The following DNAH14 variants were observed in gnomAD, a reference collection of about 807,000 sequenced individuals.
The protein encoded by DNAH14 is axonemal beta dynein heavy chain 14.
A neutral mutation model predicts 520.9 loss-of-function variants in DNAH14; 478 were observed. The observed-to-expected ratio is 0.92, with a 90% CI of 0.85 to 0.99. DNAH14 has a LOEUF of 0.99. Among genes scored for constraint, DNAH14 ranks in the 50% least tolerant of loss-of-function variants. The pLI is 0.00. For synonymous variants in DNAH14, 1,581 were observed against 1,757.2 expected (o/e 0.90, Z 2.51); for missense variants, 4,831 against 5,234.5 (o/e 0.92, Z 2.38).
In DNAH14 at chr1:225,346,666, T is replaced by G. The variant is rs1157971176; in HGVS notation, c.11296+12T>G. 6.6e-7 allele frequency: 1 copy of G among 1,525,880 alleles called. No homozygotes were observed. 94.5% of individuals were successfully genotyped at this position (1,525,880 alleles called of 1,614,324 possible). A position where few individuals can be genotyped will look rare whatever the true frequency, so the allele number is the denominator to read the frequency against. On this transcript the variant is annotated intron_variant, in intron 71 of 85. Coordinates refer to ENST00000682510, the MANE Select transcript of DNAH14 (RefSeq NM_001367479.1). ...GTCTAGACTTACTAGTAAGTAAAAG[T>G]TACTATTCCGGATTCAGTAAAAGTC...
chr1:224,942,308 C>G (rs2059474908), intron 1 of DNAH14, among the ~76,000 whole-genome samples: 1 of 151,600 alleles, frequency 6.6e-6, no homozygotes, highest in African/African-American at 2.4e-5. Context: ...GGCTCTCTGT[C>G]CGTTATTGGT....
At chr1:225,069,997 G>T (rs760392316) in intron 17 of DNAH14, among the ~76,000 whole-genome samples, 11 of 152,102 alleles carry the variant, frequency 7.2e-5, no homozygotes, top group Non-Finnish European at 1.3e-4. Flanking sequence ...TGTCTGTAGA[G>T]GTATTCATAA....
At chr1:225,070,347 C>G (rs1323162991) in intron 17 of DNAH14, among the ~76,000 whole-genome samples, 2 of 152,096 alleles carry the variant, frequency 1.3e-5, no homozygotes, top group African/African-American at 2.4e-5. Flanking sequence ...GCATTTAGTG[C>G]TATAAATTTT....
Position 225,057,668 on chromosome 1 carries a change from C to T in DNAH14, c.2424+5873C>T, listed in dbSNP as rs1237012792. On this transcript the variant is annotated intron_variant, in intron 17 of 85. Transcript: ENST00000682510. ...CAGTATGATATTGGCTGTGGGTTTG[C>T]CATAGATAGCTTTTGTTATTTTGAG... 4.6e-5 allele frequency among the ~76,000 whole-genome samples: 7 copies of T among 152,194 alleles called. No individual in the cohort carries two copies. The East Asian group carries it at 7.7e-4, about 17-fold the overall frequency.
Position 225,324,311 on chromosome 1 carries a change from C to T in DNAH14, c.9585C>T (p.Cys3195=), listed in dbSNP as rs2094611414. 5.8e-6 allele frequency: 9 copies of T among 1,551,874 alleles called. No individual in the cohort carries two copies. Among genetic ancestry groups the T allele is most frequent in the Middle Eastern group, 3.3e-4 (2 of 5,996 alleles). The change falls in exon 63 of 86, where the codon TGC becomes TGT. Residue 3195 remains cysteine (C), a synonymous_variant. Coordinates refer to ENST00000682510, the MANE Select transcript of DNAH14 (RefSeq NM_001367479.1). ...TTTCTGTTGCTTGTTGCTCCCTGTGCCAGTGGGTTATAGCTTTGAATAACT... is the reference window on the plus strand; with the variant it reads ...TTTCTGTTGCTTGTTGCTCCCTGTGTCAGTGGGTTATAGCTTTGAATAACT... ...SLVSVACCSL[C]QWVIALNNYH...
chr1:225,386,471 A>C (rs1183105766), intron 81 of DNAH14, among the ~76,000 whole-genome samples: 1 of 152,262 alleles, frequency 6.6e-6, no homozygotes, highest in Non-Finnish European at 1.5e-5. Flanking sequence ...AAATTTTTGC[A>C]ATCTACCCAT....
chr1:225,138,526 G>T (rs895022422), intron 27 of DNAH14, among the ~76,000 whole-genome samples: 6 of 152,174 alleles, frequency 3.9e-5, no homozygotes, highest in Admixed American at 3.3e-4. Context: ...CCTTGGTGGG[G>T]AACCTGGGGC....
rs1264424873 is a variant in DNAH14, at chr1:225,185,388, ACTT to A, written c.5637_5639del (p.Phe1879del). 3 of 1,539,632 alleles carry A rather than the reference ACTT, an allele frequency of 1.9e-6. No individual in the cohort carries two copies. Among genetic ancestry groups the A allele is most frequent in the Admixed American group, 2.1e-5 (1 of 48,474 alleles). On this transcript the variant is annotated inframe_deletion, in exon 37 of 86. Transcript: ENST00000682510. ...GCATTAACGCTATTACCAATTGCAGACTTCTTATCAGTTGCAGAAAGAAAATCT... is the reference window on the plus strand; with the variant it reads ...GCATTAACGCTATTACCAATTGCAGACTTATCAGTTGCAGAAAGAAAATCT...
intron 80 of DNAH14, 28 bp downstream of exon 80, chr1:225,380,350 C>A: frequency 6.5e-7 from 1 of 1,536,678 alleles, no homozygotes; most frequent in Non-Finnish European, 8.8e-7. Flanking sequence ...GCTTTTTCCC[C>A]TTACCTCACT....
rs768007172 is a variant in DNAH14 at position 225,206,120 on chromosome 1, G to A, written c.6127G>A (p.Val2043Met). ...TAATAAAATAAGAGTGATTTTTGAA[G>A]TGGACAATCTCTCTCAGGCCAGTCC... Reference protein sequence around the residue: ...LTNKIRVIFEVDNLSQASPAT... With the variant: ...LTNKIRVIFEMDNLSQASPAT... The change falls in exon 40 of 86, where the codon GTG becomes ATG. Residue 2043 changes from valine to methionine, a missense_variant. Val to Met is a conservative substitution (Grantham distance 21). Transcript: ENST00000682510. The A allele has an allele frequency of 6.4e-7, 1 of 1,551,496 alleles. No individual in the cohort carries two copies. Among genetic ancestry groups the A allele is most frequent in the South Asian group, 1.2e-5 (1 of 84,058 alleles).
At position 225,270,878 on chromosome 1, in the gene DNAH14, A is replaced by G. The variant is rs1469340976; in HGVS notation, c.7671+12A>G. 5.2e-6 allele frequency: 8 copies of G among 1,546,468 alleles called. No individual in the cohort carries two copies. Among genetic ancestry groups the G allele is most frequent in the South Asian group, 2.4e-5 (2 of 83,056 alleles). On this transcript the variant is annotated intron_variant, in intron 50 of 85. Transcript: ENST00000682510. ...GTACTATTTTCCAGGTAACACATCT[A>G]GTTCATTTTCTACTGAAAAAAATTA...
At chr1:225,287,539 C>T (rs2093775390) in intron 54 of DNAH14, among the ~76,000 whole-genome samples, 1 of 152,052 alleles carries the variant, frequency 6.6e-6, no homozygotes, top group South Asian at 2.1e-4. Flanking sequence ...TTATTTTTAG[C>T]TTAAAATAGG....
intron 44 of DNAH14, among the ~76,000 whole-genome samples, chr1:225,255,033 G>A (rs977869329): frequency 3.3e-5 from 5 of 152,254 alleles, no homozygotes; most frequent in Admixed American, 6.5e-5. Flanking sequence ...TCTGGAATCC[G>A]TACTCTAAGG....
intron 41 of DNAH14, among the ~76,000 whole-genome samples, chr1:225,215,963 G>A (rs190514081): frequency 5.3e-4 from 81 of 152,238 alleles, no homozygotes; most frequent in Non-Finnish European, 7.8e-4. Flanking sequence ...TATTTTGCTC[G>A]TTAGTTGATG....
chr1:225,098,262 G>A (rs2075164711), intron 22 of DNAH14, among the ~76,000 whole-genome samples: 1 of 95,284 alleles, frequency 1.0e-5, no homozygotes, highest in African/African-American at 5.2e-5. Flanking sequence ...TAGAGGGCCT[G>A]GGCAGTTGTT....
intron 71 of DNAH14, among the ~76,000 whole-genome samples, chr1:225,349,248 T>C (rs1463797653): frequency 6.6e-6 from 1 of 152,160 alleles, no homozygotes; most frequent in Non-Finnish European, 1.5e-5. Flanking sequence ...TAGAATGCTA[T>C]AAAATTAAGA....
intron 41 of DNAH14, among the ~76,000 whole-genome samples, chr1:225,208,299 A>C (rs1300272888): frequency 4.6e-5 from 7 of 152,168 alleles, no homozygotes; most frequent in Non-Finnish European, 7.3e-5. Flanking sequence ...ATCAGTTAAA[A>C]AAAAACAACA....
At chr1:225,398,464 C>G in intron 84 of DNAH14, 56 bp from the exon 85 acceptor site, 2 of 1,539,182 alleles carry the variant, frequency 1.3e-6, no homozygotes, top group Non-Finnish European at 1.8e-6. Context: ...GACGGAGCCT[C>G]CAGTTGGTCG....
At chr1:225,348,708 C>T (rs1041798177) in intron 71 of DNAH14, among the ~76,000 whole-genome samples, 2 of 152,120 alleles carry the variant, frequency 1.3e-5, no homozygotes, top group African/African-American at 4.8e-5. Context: ...AACTGCTCTA[C>T]AAGGAATGCT....
Sources: gnomAD v4.1 joint callset for allele counts (sites outside exome capture counted in the v4.1 genomes callset) on GRCh38, gnomAD v4.1.1 for gene constraint, MANE v1.5 for transcripts, NCBI Gene and HGNC (gene_info 2026-07-23, HGNC 2026-07-21) for gene names.